Variants in NRXN3 observed in about 807,000 individuals in gnomAD.
The protein encoded by NRXN3 is neurexin III.
A neutral mutation model predicts 137.6 loss-of-function variants in NRXN3; 32 were observed. The observed-to-expected ratio is 0.23, with a 90% CI of 0.18 to 0.31. NRXN3 has a LOEUF of 0.31. Ranked by LOEUF, NRXN3 falls within the 10% of genes least tolerant of loss-of-function variation. NRXN3 has a pLI of 1.00. For missense variants in NRXN3, 1,574 were observed against 2,062.5 expected, an observed-to-expected ratio of 0.76 and a Z score of 4.59; for synonymous variants, 798 against 784.5, an observed-to-expected ratio of 1.02 and a Z score of -0.29.
intron 15 of NRXN3, among the ~76,000 whole-genome samples, chr14:79,034,274 G>A (rs1047803853): frequency 3.3e-5 from 5 of 151,180 alleles, no homozygotes; most frequent in African/African-American, 9.7e-5. Flanking sequence ...ATAGTTCTCT[G>A]TTTACAAGGT....
chr14:79,008,337 C>T (rs187720948), intron 15 of NRXN3, among the ~76,000 whole-genome samples: 11 of 152,250 alleles, frequency 7.2e-5, no homozygotes, highest in East Asian at 5.8e-4. Flanking sequence ...TCTTAACAAG[C>T]GTCAACATTT....
Position 78,966,223 on chromosome 14 carries a change from T to G in NRXN3, c.2594T>G (p.Leu865Arg). ...DYCELKARFGLRNIIADPVTF... is the reference protein window; with the variant it reads ...DYCELKARFGRRNIIADPVTF... Reference sequence around the variant, plus strand: ...TGTGAGCTGAAGGCTCGTTTTGGACTGAGGAACATCATCGCTGACCCTGTC... The same window carrying G: ...TGTGAGCTGAAGGCTCGTTTTGGACGGAGGAACATCATCGCTGACCCTGTC... Residue 865 changes from leucine to arginine, a missense_variant, in exon 12 of 21, where the codon CTG becomes CGG. By Grantham distance (102) the Leu-to-Arg change is moderately radical. Coordinates refer to ENST00000335750, the MANE Select transcript of NRXN3 (RefSeq NM_001330195.2). 3 of 1,614,214 alleles carry G rather than the reference T, an allele frequency of 1.9e-6. No homozygotes were observed. The highest frequency in any genetic ancestry group is 2.5e-6 in the Non-Finnish European group (3 of 1,180,036).
chr14:79,469,698 T>C (rs755299886), intron 16 of NRXN3, among the ~76,000 whole-genome samples: 26 of 152,292 alleles, frequency 1.7e-4, no homozygotes, highest in Non-Finnish European at 2.8e-4. Context: ...TGATGTCACC[T>C]GACCCTTTCA....
In NRXN3 at chr14:78,529,603, T is replaced by G. The variant is rs117200865; in HGVS notation, c.758-115517T>G. 4.1e-4 allele frequency among the ~76,000 whole-genome samples: 62 copies of G among 152,344 alleles called. No individual in the cohort carries two copies. The East Asian group carries it at 8.7e-3, about 21-fold the overall frequency. On this transcript the variant is annotated intron_variant, in intron 4 of 20. Coordinates refer to ENST00000335750, the MANE Select transcript of NRXN3 (RefSeq NM_001330195.2). ...ACTTCTTTGTTTTGTCTTTGCAGCT[T>G]TAGTCAACAGAGGCTGTTCCCACAG...
intron 4 of NRXN3, among the ~76,000 whole-genome samples, chr14:78,438,354 T>C (rs1325291673): frequency 1.3e-5 from 2 of 152,172 alleles, no homozygotes. Flanking sequence ...TTTGGTGTCC[T>C]GTCAACACTA....
At chr14:78,475,294 G>A (rs954887298) in intron 4 of NRXN3, among the ~76,000 whole-genome samples, 5 of 152,092 alleles carry the variant, frequency 3.3e-5, no homozygotes, top group South Asian at 2.1e-4. Flanking sequence ...TGCAACTCCC[G>A]CAGAGGTTAG....
chr14:78,550,319 C>T (rs1052922407), intron 4 of NRXN3, among the ~76,000 whole-genome samples: 4 of 152,136 alleles, frequency 2.6e-5, no homozygotes, highest in African/African-American at 7.2e-5. Context: ...CTGCAAGCCA[C>T]TATGCCTGGC....
At chr14:78,339,302 T>G (rs1011940421) in intron 4 of NRXN3, among the ~76,000 whole-genome samples, 4 of 152,242 alleles carry the variant, frequency 2.6e-5, no homozygotes, top group Middle Eastern at 3.2e-3. Flanking sequence ...CAGAAATGTT[T>G]AGAATCTTGC....
intron 4 of NRXN3, among the ~76,000 whole-genome samples, chr14:78,434,847 G>A (rs929723195): frequency 6.6e-6 from 1 of 152,234 alleles, no homozygotes; most frequent in African/African-American, 2.4e-5. Flanking sequence ...AGAAGCAGCT[G>A]TGGCCAAGAG....
At chr14:78,893,312 CTT>C (rs1349106164) in intron 10 of NRXN3, among the ~76,000 whole-genome samples, 1 of 152,014 alleles carries the variant, frequency 6.6e-6, no homozygotes, top group South Asian at 2.1e-4. Context: ...AATTCCTCCT[CTT>C]TTCTCTTTCA....
intron 8 of NRXN3, among the ~76,000 whole-genome samples, chr14:78,728,272 C>T (rs2098496673): frequency 1.3e-5 from 2 of 152,108 alleles, no homozygotes; most frequent in Admixed American, 1.3e-4. Context: ...TTATTTATTG[C>T]AAATAAGCTT....
intron 15 of NRXN3, among the ~76,000 whole-genome samples, chr14:79,321,877 C>CTA (rs1869815236): frequency 6.7e-6 from 1 of 148,614 alleles, no homozygotes; most frequent in Non-Finnish European, 1.5e-5. Flanking sequence ...ATAAATATAA[C>CTA]TATATATATA....
At chr14:79,421,389 T>C (rs1455594028) in intron 15 of NRXN3, among the ~76,000 whole-genome samples, 1 of 152,226 alleles carries the variant, frequency 6.6e-6, no homozygotes, top group Admixed American at 6.5e-5. Flanking sequence ...TTAACTAAAC[T>C]ATCTTTATTT....
intron 19 of NRXN3, among the ~76,000 whole-genome samples, chr14:79,721,957 T>TAAGTC (rs1231479489): frequency 3.3e-5 from 5 of 152,086 alleles, no homozygotes; most frequent in Non-Finnish European, 7.4e-5. Context: ...CATAGAGAGC[T>TAAGTC]AAGTCATGTT....
intron 14 of NRXN3, among the ~76,000 whole-genome samples, chr14:78,987,019 CAAAAAAAAAAAAA>C (rs36081362): frequency 1.8e-5 from 1 of 54,114 alleles, no homozygotes; most frequent in African/African-American, 5.3e-5. Context: ...GAGACTGTCT[CAAAAAAAAAAAAA>C]AAAAAAAAAA....
intron 15 of NRXN3, among the ~76,000 whole-genome samples, chr14:79,147,982 CCTT>C (rs2059450041): frequency 6.6e-6 from 1 of 152,034 alleles, no homozygotes; most frequent in African/African-American, 2.4e-5. Flanking sequence ...AATTTGTGGT[CCTT>C]CTACTTTCCT....
chr14:78,876,757 G>T (rs957257923), intron 10 of NRXN3, among the ~76,000 whole-genome samples: 3 of 152,132 alleles, frequency 2.0e-5, no homozygotes, highest in African/African-American at 7.2e-5. Flanking sequence ...TGTACAGATA[G>T]GTTCCTAATG....
intron 16 of NRXN3, among the ~76,000 whole-genome samples, chr14:79,630,948 C>G (rs1413436240): frequency 6.6e-6 from 1 of 152,206 alleles, no homozygotes; most frequent in African/African-American, 2.4e-5. Context: ...CATAATACGT[C>G]TGAGCTGTCT....
intron 15 of NRXN3, among the ~76,000 whole-genome samples, chr14:79,358,612 A>G (rs181043466): frequency 7.5e-5 from 9 of 119,242 alleles, no homozygotes; most frequent in Middle Eastern, 7.5e-3. Context: ...AGAAAGAGAA[A>G]GAAAGAAAGA....
Sources: allele counts gnomAD v4.1 joint callset (sites outside exome capture counted in the v4.1 genomes callset), GRCh38; gene constraint gnomAD v4.1.1; transcripts MANE v1.5; gene names NCBI Gene and HGNC (gene_info 2026-07-23, HGNC 2026-07-21).